Variants in COP1 observed in about 807,000 individuals in gnomAD.
COP1 encodes the protein E3 ubiquitin-protein ligase COP1.
COP1 carries 24 observed loss-of-function variants against 101.3 expected under a neutral mutation model. The ratio of observed to expected loss-of-function variants is 0.24; its 90% CI spans 0.17 to 0.33. COP1 has a LOEUF of 0.33. Among genes scored for constraint, COP1 ranks in the 10% least tolerant of loss-of-function variants. The pLI is 1.00. For synonymous variants in COP1, 347 were observed against 341.9 expected (o/e 1.01, Z -0.17); for missense variants, 663 against 906.2 (o/e 0.73, Z 3.45).
intron 5 of COP1, among the ~76,000 whole-genome samples, chr1:176,152,719 C>T (rs747088912): frequency 3.9e-5 from 6 of 152,126 alleles, no homozygotes; most frequent in Non-Finnish European, 7.4e-5. Context: ...GTAATTACGG[C>T]GTGAGCCACT....
chr1:175,989,568 A>G lies in COP1; in HGVS notation c.1730-89T>C, dbSNP rs1426990151. On this transcript the variant is annotated intron_variant, in intron 15 of 19. Transcript: ENST00000367669. ...ACTGGTTTTTGGTTTTTTCATTAAA[A>G]GTTTCACATATGATGTCTAATCTCT... 3 of 705,586 alleles carry G rather than the reference A, an allele frequency of 4.3e-6. No homozygotes were observed. The African/African-American group carries it at 5.2e-5, about 12-fold the overall frequency. 43.7% of individuals were successfully genotyped at this position (705,586 alleles called of 1,614,324 possible). A position where few individuals can be genotyped will look rare whatever the true frequency, so the allele number is the denominator to read the frequency against.
At position 176,149,083 on chromosome 1, in the gene COP1, G is replaced by A. The variant is rs3748618; in HGVS notation, c.763-9C>T. ...TGGGCTGCATGTGATTCCTACAATA[G>A]AAAATTATAATTTTTCTTTTAAAAA... On this transcript the variant is annotated splice_polypyrimidine_tract_variant and intron_variant, in intron 5 of 19. Coordinates refer to ENST00000367669, the MANE Select transcript of COP1 (RefSeq NM_022457.7). The A allele has an allele frequency of 0.35, 543,007 of 1,534,268 alleles. 100,626 individuals carry two copies. Among genetic ancestry groups the A allele is most frequent in the Admixed American group, 0.39 (21,435 of 54,326 alleles).
intron 15 of COP1, among the ~76,000 whole-genome samples, chr1:175,994,151 A>G (rs1178745400): frequency 1.3e-5 from 2 of 152,202 alleles, no homozygotes; most frequent in Non-Finnish European, 2.9e-5. Context: ...ACTAAGCTTC[A>G]TAAGTGAAGG....
intron 18 of COP1, among the ~76,000 whole-genome samples, chr1:175,952,843 G>C (rs1011204106): frequency 1.1e-4 from 16 of 152,172 alleles, no homozygotes; most frequent in Non-Finnish European, 2.1e-4. Context: ...CTTGAGCCTA[G>C]GAGTTTGAGG....
At chr1:176,093,595 T>G (rs902040459) in intron 9 of COP1, among the ~76,000 whole-genome samples, 13 of 152,080 alleles carry the variant, frequency 8.5e-5, no homozygotes, top group Non-Finnish European at 1.3e-4. Flanking sequence ...ATCCCAGCAC[T>G]TTGGGAGGCC....
intron 9 of COP1, among the ~76,000 whole-genome samples, chr1:176,114,600 G>GT (rs1212506089): frequency 2.1e-5 from 3 of 144,076 alleles, no homozygotes; most frequent in Non-Finnish European, 4.6e-5. Flanking sequence ...GGGGGAGGGA[G>GT]TGGGGGGGAA....
chr1:176,193,175 T>C (rs1699297810), intron 1 of COP1, among the ~76,000 whole-genome samples: 1 of 152,150 alleles, frequency 6.6e-6, no homozygotes, highest in East Asian at 1.9e-4. Flanking sequence ...CTTGAAAAGA[T>C]GGTTAACCTC....
chr1:176,054,226 T>C (rs1373997990), intron 11 of COP1, among the ~76,000 whole-genome samples: 2 of 151,452 alleles, frequency 1.3e-5, no homozygotes, highest in Non-Finnish European at 2.9e-5. Flanking sequence ...GTGGGCATGA[T>C]CTCGGCTCAC....
At chr1:176,190,983 C>G (rs1028644066) in intron 1 of COP1, among the ~76,000 whole-genome samples, 1 of 151,874 alleles carries the variant, frequency 6.6e-6, no homozygotes, top group Non-Finnish European at 1.5e-5. Context: ...TTTAGAAAAA[C>G]AAGCAGTAGT....
chr1:176,127,463 CCTGT>C (rs1203657793), intron 8 of COP1, among the ~76,000 whole-genome samples: 1 of 151,854 alleles, frequency 6.6e-6, no homozygotes, highest in Non-Finnish European at 1.5e-5. Flanking sequence ...TCTTTCTGTG[CCTGT>C]CTTATTTCAC....
rs139673249 is a variant in COP1 at position 176,004,835 on chromosome 1, C to T, written c.1730-15356G>A. ...TCTCTTTTTTGGTTGTGTCTCTGCC[C>T]GGCTTTGGTGTCAGCATGATGCTGG... On this transcript the variant is annotated intron_variant, in intron 15 of 19. Coordinates refer to ENST00000367669, the MANE Select transcript of COP1 (RefSeq NM_022457.7). Among the ~76,000 whole-genome samples the T allele has an allele frequency of 1.4e-3, 215 of 151,176 alleles. 2 individuals are homozygous for T. The East Asian group carries it at 0.025, about 18-fold the overall frequency.
chr1:176,032,125 T>C (rs1668744622), intron 14 of COP1, among the ~76,000 whole-genome samples: 2 of 152,242 alleles, frequency 1.3e-5, no homozygotes, highest in Admixed American at 1.3e-4. Context: ...AATGAGGATG[T>C]GCAAATATGA....
chr1:176,025,269 T>C (rs1667468858), intron 15 of COP1, among the ~76,000 whole-genome samples: 1 of 152,238 alleles, frequency 6.6e-6, no homozygotes, highest in Admixed American at 6.5e-5. Context: ...AGTATAACTC[T>C]GCCTTAGAGG....
At chr1:176,183,709 TG>T (rs1480242662) in intron 2 of COP1, among the ~76,000 whole-genome samples, 2 of 152,170 alleles carry the variant, frequency 1.3e-5, no homozygotes, top group Non-Finnish European at 2.9e-5. Flanking sequence ...GCAACCCCAG[TG>T]TATACTGATA....
At chr1:176,093,467 C>T (rs560711676) in intron 9 of COP1, among the ~76,000 whole-genome samples, 76 of 151,550 alleles carry the variant, frequency 5.0e-4, no homozygotes, top group African/African-American at 1.7e-3. Context: ...CCAGCAGTTT[C>T]GGTGGCTGAG....
At chr1:176,096,825 T>C (rs999938118) in intron 9 of COP1, among the ~76,000 whole-genome samples, 3 of 152,342 alleles carry the variant, frequency 2.0e-5, no homozygotes, top group East Asian at 1.9e-4. Context: ...GTATGGTAAG[T>C]AGCAAACTTT....
intron 15 of COP1, among the ~76,000 whole-genome samples, chr1:175,990,610 T>G (rs1311560131): frequency 6.6e-6 from 1 of 152,178 alleles, no homozygotes; most frequent in Non-Finnish European, 1.5e-5. Context: ...AAAATATCTG[T>G]TTTTCCCTTA....
chr1:176,006,444 C>G (rs543325809), intron 15 of COP1, among the ~76,000 whole-genome samples: 2 of 152,138 alleles, frequency 1.3e-5, no homozygotes, highest in Non-Finnish European at 2.9e-5. Context: ...TTCCTAGCCT[C>G]GATGGGCTTT....
At chr1:176,005,026 C>G (rs990402168) in intron 15 of COP1, among the ~76,000 whole-genome samples, 3 of 152,160 alleles carry the variant, frequency 2.0e-5, no homozygotes, top group African/African-American at 7.2e-5. Context: ...GCCACAATTT[C>G]AGAGCCTGTT....
Sources: allele counts gnomAD v4.1 joint callset (sites outside exome capture counted in the v4.1 genomes callset), GRCh38; gene constraint gnomAD v4.1.1; transcripts MANE v1.5; gene names NCBI Gene and HGNC (gene_info 2026-07-23, HGNC 2026-07-21).